SHROOM1: variants seen among roughly 807,000 people sequenced by gnomAD.
The protein encoded by SHROOM1 is shroom family member 1.
Under a neutral mutation model 64.2 loss-of-function variants are expected in SHROOM1, and 53 were observed. The observed-to-expected ratio is 0.83, with a 90% CI of 0.66 to 1.04. The LOEUF (loss-of-function observed/expected upper bound fraction) is 1.04, where lower values mean the gene tolerates loss of function less well. SHROOM1 is among the 50% of genes least tolerant of loss of function. The probability of loss-of-function intolerance (pLI) is 0.00; values close to 1 mark genes in which losing one functional copy is unlikely to be tolerated. For synonymous variants in SHROOM1, 490 were observed against 518.9 expected, an observed-to-expected ratio of 0.94 and a Z score of 0.76; for missense variants, 1,179 against 1,163.2, an observed-to-expected ratio of 1.01 and a Z score of -0.20.
rs1346900027 is a variant in SHROOM1, at chr5:132,823,424, C to T, written c.2052G>A (p.Ala684=). Residue 684 remains alanine, a synonymous_variant, in exon 9 of 10, where the codon GCG becomes GCA. Coordinates refer to ENST00000378679, the MANE Select transcript of SHROOM1 (RefSeq NM_001172700.2). This position sits in a 1 kb window ranked among gnomAD's most constrained non-coding sequence, Gnocchi z 4.6. ...CCTGGCGCACTGCAGCCTCCAGAGC[C>T]GCTTGGCGCCTGGCCCACGCTTGTG... is the stretch of plus-strand genomic sequence containing the variant. ...GEAQAWARRQ[A]ALEAAVRQAC... is the part of the protein sequence containing the mutation. The T allele has an allele frequency of 1.2e-6, 2 of 1,611,578 alleles. No individual in the cohort carries two copies. Among genetic ancestry groups the T allele is most frequent in the Non-Finnish European group, 1.7e-6 (2 of 1,179,804 alleles).
Position 132,822,983 on chromosome 5 carries a change from G to C in SHROOM1, c.2372C>G (p.Ala791Gly). 3 of 1,608,692 alleles carry C rather than the reference G, an allele frequency of 1.9e-6. 1 individual carries two copies. The South Asian group carries it at 3.3e-5, about 18-fold the overall frequency. Residue 791 changes from alanine (A) to glycine (G), a missense_variant, in exon 10 of 10, where the codon GCC (alanine) becomes GGC (glycine). Ala to Gly is a moderately conservative substitution (Grantham distance 60, BLOSUM62 0). Transcript: ENST00000378679. ...GACGGCGGCCTTGCCCGCCAGCAGGGCGCAATAGACGCGCAGCTCCTCCAC... is the reference window on the plus strand; with the variant it reads ...GACGGCGGCCTTGCCCGCCAGCAGGCCGCAATAGACGCGCAGCTCCTCCAC... ...LPVEELRVYCALLAGKAAVLA... is the reference protein window; with the variant it reads ...LPVEELRVYCGLLAGKAAVLA...
rs1581234011 is a variant in SHROOM1, at chr5:132,826,274, T to G, written c.-43+3A>C. 8.0e-7 allele frequency: 1 copy of G among 1,253,864 alleles called. No homozygotes were observed. The highest frequency in any genetic ancestry group is 4.2e-5 in the Admixed American group (1 of 23,784). 77.7% of individuals were successfully genotyped at this position (1,253,864 alleles called of 1,614,324 possible). On this transcript the variant is annotated splice_donor_region_variant and intron_variant, in intron 3 of 9. Coordinates refer to ENST00000378679, the MANE Select transcript of SHROOM1 (RefSeq NM_001172700.2). ...CCGCCACCACGGACGGCCAGACACT[T>G]ACACTTCCCCTCCCTGGTCACACCG...
At position 132,823,042 on chromosome 5, in the gene SHROOM1, C is replaced by T. The variant is rs1261240598; in HGVS notation, c.2313G>A (p.Arg771=). The change falls in exon 10 of 10, where the codon CGG becomes CGA. Residue 771 remains arginine (R), a synonymous_variant. Coordinates refer to ENST00000378679, the MANE Select transcript of SHROOM1 (RefSeq NM_001172700.2). This position sits in a 1 kb window ranked among gnomAD's most constrained non-coding sequence, Gnocchi z 4.6. ...CTCGCACCAGCACCTCCCGCACGGC[C>T]CGCTCGCGCCGCGCTACGTGCTCCT... ...ELKEHVARRE[R]AVREVLVRAL... 3 of 1,598,258 alleles carry T rather than the reference C, an allele frequency of 1.9e-6. No individual in the cohort carries two copies. Among genetic ancestry groups the T allele is most frequent in the Non-Finnish European group, 2.5e-6 (3 of 1,178,672 alleles).
chr5:132,826,262 C>T lies in SHROOM1; in HGVS notation c.-43+15G>A. The T allele has an allele frequency of 1.6e-6, 2 of 1,256,992 alleles. No homozygotes were observed. Among genetic ancestry groups the T allele is most frequent in the Non-Finnish European group, 1.0e-6 (1 of 1,002,146 alleles). 77.9% of individuals were successfully genotyped at this position (1,256,992 alleles called of 1,614,324 possible). A position where few individuals can be genotyped will look rare whatever the true frequency, so the allele number is the denominator to read the frequency against. On this transcript the variant is annotated intron_variant, in intron 3 of 9. Coordinates refer to ENST00000378679, the MANE Select transcript of SHROOM1 (RefSeq NM_001172700.2). ...AGCCTGCTGGCCCCGCCACCACGGA[C>T]GGCCAGACACTTACACTTCCCCTCC...
rs141379828 is a variant in SHROOM1 at position 132,824,341 on chromosome 5, C to T, written c.1320G>A (p.Pro440=). ...TGQVTVPTEY[P]LHECPGTAGA... is the part of the protein sequence containing the mutation. ...CTGCAGTTCCTGGACACTCATGGAGCGGGTACTCTGTGGGGACTGTAACCT... is the reference window on the plus strand; with the variant it reads ...CTGCAGTTCCTGGACACTCATGGAGTGGGTACTCTGTGGGGACTGTAACCT... The change falls in exon 7 of 10, where the codon CCG becomes CCA. Residue 440 remains proline, a synonymous_variant. Coordinates refer to ENST00000378679, the MANE Select transcript of SHROOM1 (RefSeq NM_001172700.2). 11 of 1,608,266 alleles carry T rather than the reference C, an allele frequency of 6.8e-6. No individual in the cohort carries two copies. Among genetic ancestry groups the T allele is most frequent in the East Asian group, 2.2e-5 (1 of 44,884 alleles).
chr5:132,829,145 C>G (rs1758781080), intron 1 of SHROOM1, among the ~76,000 whole-genome samples: 1 of 152,208 alleles, frequency 6.6e-6, no homozygotes, highest in Admixed American at 6.5e-5. Context: ...AACCTAGACT[C>G]CCCGCTAGAA....
Position 132,825,615 on chromosome 5 carries a change from G to T in SHROOM1, c.526C>A (p.Pro176Thr), listed in dbSNP as rs1442492763. Residue 176 changes from proline to threonine, a missense_variant, in exon 4 of 10, where the codon CCA becomes ACA. Pro to Thr is a conservative substitution (Grantham distance 38). Transcript: ENST00000378679. The surrounding 1 kb of genome is among the most constrained non-coding windows in gnomAD (Gnocchi z 5.1). The stretch of plus-strand genomic sequence containing the variant: ...GGGTGAGTCGCCGGGGGCCGCGCTG[G>T]GACAGTGGGCCGCAGACGGGCGGGC... Reference protein sequence around the residue: ...SLPARLRPTVPARPPATHPRS... With the variant: ...SLPARLRPTVTARPPATHPRS... The T allele has an allele frequency of 7.4e-7, 1 of 1,359,984 alleles. No homozygotes were observed. The allele number at this position is 1,359,984 out of a possible 1,614,324, so 84.2% of individuals were successfully genotyped here.
At position 132,823,564 on chromosome 5, in the gene SHROOM1, C is replaced by T; in HGVS notation, c.1954-42G>A. Reference sequence around the variant, plus strand: ...AGGCTGGGGCCAGGCTCATGACTTCCCTGCCCAGGCTCTGGGCTCCTACCC... The same window carrying T: ...AGGCTGGGGCCAGGCTCATGACTTCTCTGCCCAGGCTCTGGGCTCCTACCC... On this transcript the variant is annotated intron_variant, in intron 8 of 9. Coordinates refer to ENST00000378679, the MANE Select transcript of SHROOM1 (RefSeq NM_001172700.2). This position sits in a 1 kb window ranked among gnomAD's most constrained non-coding sequence, Gnocchi z 4.6. The T allele has an allele frequency of 6.4e-7, 1 of 1,569,814 alleles. No individual in the cohort carries two copies. Among genetic ancestry groups the T allele is most frequent in the South Asian group, 1.2e-5 (1 of 85,156 alleles).
rs1283170149 is a variant in SHROOM1, at chr5:132,823,651, G to T, written c.1925C>A (p.Ala642Glu). 3.7e-6 allele frequency: 6 copies of T among 1,606,196 alleles called. No homozygotes were observed. Among genetic ancestry groups the T allele is most frequent in the Non-Finnish European group, 5.1e-6 (6 of 1,176,056 alleles). Residue 642 changes from alanine (A) to glutamate (E), a missense_variant, in exon 8 of 10, where the codon GCA becomes GAA. Coordinates refer to ENST00000378679, the MANE Select transcript of SHROOM1 (RefSeq NM_001172700.2). The surrounding 1 kb of genome is among the most constrained non-coding windows in gnomAD (Gnocchi z 4.6). ...LDQPCGQGLP[A>E]PNNSIQGKKV... ...CTTGCCCTGGATGCTGTTGTTTGGTGCAGGGAGCCCCTGCCCACATGGCTG... is the reference window on the plus strand; with the variant it reads ...CTTGCCCTGGATGCTGTTGTTTGGTTCAGGGAGCCCCTGCCCACATGGCTG...
chr5:132,825,048 G>C lies in SHROOM1; in HGVS notation c.1004C>G (p.Pro335Arg). 6.2e-7 allele frequency: 1 copy of C among 1,614,106 alleles called. No homozygotes were observed. Among genetic ancestry groups the C allele is most frequent in the Non-Finnish European group, 8.5e-7 (1 of 1,180,016 alleles). ...AAGTTTGGTCTGAAACAATGGTCTG[G>C]GGGTTTCTGCTCCTTGGGGAACAGC... ...VQAVPQGAET[P>R]RPLFQTKLSR... The change falls in exon 5 of 10, where the codon CCC becomes CGC. Residue 335 changes from proline (P) to arginine (R), a missense_variant. Pro to Arg is a moderately radical substitution (Grantham distance 103, BLOSUM62 -2). Transcript: ENST00000378679. The surrounding 1 kb of genome is among the most constrained non-coding windows in gnomAD (Gnocchi z 5.1).
chr5:132,822,783 T>G lies in SHROOM1; in HGVS notation c.*13A>C. On this transcript the variant is annotated 3_prime_UTR_variant, in exon 10 of 10. Coordinates refer to ENST00000378679, the MANE Select transcript of SHROOM1 (RefSeq NM_001172700.2). ...GAGATAGGGGCGGTGCACCCCACCC[T>G]CTCCACCTATAACTATGTAAGGAGA... The G allele has an allele frequency of 6.3e-7, 1 of 1,575,500 alleles. No homozygotes were observed.
rs757358022 is a variant in SHROOM1, at chr5:132,823,318, CCAG to C, written c.2155_2157del (p.Leu719del). ...CGGCGCACGCGCGCCAGGCGACTGC[CCAG>C]CAGCAGCAGAAGGCCAAGCACGCGC... is the stretch of plus-strand genomic sequence containing the variant. On this transcript the variant is annotated inframe_deletion, in exon 9 of 10. Coordinates refer to ENST00000378679, the MANE Select transcript of SHROOM1 (RefSeq NM_001172700.2). The surrounding 1 kb of genome is among the most constrained non-coding windows in gnomAD (Gnocchi z 4.6). 6.2e-7 allele frequency: 1 copy of C among 1,604,098 alleles called. No individual in the cohort carries two copies. The highest frequency in any genetic ancestry group is 8.5e-7 in the Non-Finnish European group (1 of 1,179,466).
At position 132,830,442 on chromosome 5, in the gene SHROOM1, C is replaced by A. The variant is rs945330942; in HGVS notation, c.-501+152G>T. On this transcript the variant is annotated intron_variant, in intron 1 of 9. Coordinates refer to ENST00000378679, the MANE Select transcript of SHROOM1 (RefSeq NM_001172700.2). This position sits in a 1 kb window ranked among gnomAD's most constrained non-coding sequence, Gnocchi z 5.9. ...TGGCGCAACCTGACGCGGCGCCGAGCCAGACACGTCCCGGCCGAACGATGC... is the reference window on the plus strand; with the variant it reads ...TGGCGCAACCTGACGCGGCGCCGAGACAGACACGTCCCGGCCGAACGATGC... 18 of 984,880 alleles carry A rather than the reference C, an allele frequency of 1.8e-5. No homozygotes were observed. The African/African-American group carries it at 3.0e-4, about 16-fold the overall frequency. 61.0% of individuals were successfully genotyped at this position (984,880 alleles called of 1,614,324 possible). A position where few individuals can be genotyped will look rare whatever the true frequency, so the allele number is the denominator to read the frequency against.
Position 132,824,278 on chromosome 5 carries a change from T to C in SHROOM1, c.1383A>G (p.Val461=). ...TGTGGCTTGTGGGCCTGGAAATACC[T>C]ACAGAACCATTCACCCCCTGCCAGC... ...DDCWQGVNGS[V]GISRPTSHTP... Residue 461 remains valine, a synonymous_variant, in exon 7 of 10, where the codon GTA becomes GTG. Coordinates refer to ENST00000378679, the MANE Select transcript of SHROOM1 (RefSeq NM_001172700.2). The C allele has an allele frequency of 6.2e-7, 1 of 1,613,870 alleles. No homozygotes were observed. Among genetic ancestry groups the C allele is most frequent in the Non-Finnish European group, 8.5e-7 (1 of 1,179,920 alleles).
chr5:132,822,979 C>T lies in SHROOM1; in HGVS notation c.2376G>A (p.Leu792=). ...CCAGGACGGCGGCCTTGCCCGCCAG[C>T]AGGGCGCAATAGACGCGCAGCTCCT... ...PVEELRVYCA[L]LAGKAAVLAQ... is the part of the protein sequence containing the mutation. The change falls in exon 10 of 10, where the codon CTG becomes CTA. Residue 792 remains leucine, a synonymous_variant. Transcript: ENST00000378679. The T allele has an allele frequency of 6.2e-7, 1 of 1,609,208 alleles. No individual in the cohort carries two copies. The highest frequency in any genetic ancestry group is 2.2e-5 in the East Asian group (1 of 44,862).
At position 132,823,317 on chromosome 5, in the gene SHROOM1, C is replaced by T; in HGVS notation, c.2159G>A (p.Gly720Asp). 6.2e-7 allele frequency: 1 copy of T among 1,603,922 alleles called. No individual in the cohort carries two copies. Residue 720 changes from glycine to aspartate, a missense_variant, in exon 9 of 10, where the codon GGC (glycine) becomes GAC (aspartate). Transcript: ENST00000378679. The surrounding 1 kb of genome is among the most constrained non-coding windows in gnomAD (Gnocchi z 4.6). Reference protein sequence around the residue: ...ERVLGLLLLLGSRLARVRRAL... With the variant: ...ERVLGLLLLLDSRLARVRRAL... ...GCGGCGCACGCGCGCCAGGCGACTG[C>T]CCAGCAGCAGCAGAAGGCCAAGCAC...
In SHROOM1 at chr5:132,825,678, C is replaced by G. The variant is rs752467702; in HGVS notation, c.463G>C (p.Glu155Gln). Residue 155 changes from glutamate to glutamine, a missense_variant, in exon 4 of 10, where the codon GAG becomes CAG. Transcript: ENST00000378679. The surrounding 1 kb of genome is among the most constrained non-coding windows in gnomAD (Gnocchi z 5.1). ...AGCTCCTTGCGCTGGAACGACGTCT[C>G]CCGGAGCACTCGCCGCTGCGCGCCC... ...LQGAQRRVLR[E>Q]TSFQRKELRM... The G allele has an allele frequency of 6.6e-6, 9 of 1,355,490 alleles. No individual in the cohort carries two copies. The highest frequency in any genetic ancestry group is 2.6e-4 in the Middle Eastern group (1 of 3,800). The allele number at this position is 1,355,490 out of a possible 1,614,324, so 84.0% of individuals were successfully genotyped here. A position where few individuals can be genotyped will look rare whatever the true frequency, so the allele number is the denominator to read the frequency against.
Position 132,825,003 on chromosome 5 carries a change from G to C in SHROOM1, c.1034+15C>G, listed in dbSNP as rs1758611785. The C allele has an allele frequency of 6.2e-7, 1 of 1,613,794 alleles. No homozygotes were observed. The highest frequency in any genetic ancestry group is 1.7e-5 in the Admixed American group (1 of 59,978). ...CTTCCCCCCAACTTGGTCCAGAGTG[G>C]TCCGTGTCTCTCACCTGGAAAGTTT... On this transcript the variant is annotated intron_variant, in intron 5 of 9. Transcript: ENST00000378679. The surrounding 1 kb of genome is among the most constrained non-coding windows in gnomAD (Gnocchi z 5.1).
chr5:132,822,774 A>G lies in SHROOM1; in HGVS notation c.*22T>C. ...CGTGGGTGAGAGATAGGGGCGGTGC[A>G]CCCCACCCTCTCCACCTATAACTAT... On this transcript the variant is annotated 3_prime_UTR_variant, in exon 10 of 10. Coordinates refer to ENST00000378679, the MANE Select transcript of SHROOM1 (RefSeq NM_001172700.2). 6.4e-7 allele frequency: 1 copy of G among 1,557,626 alleles called. No individual in the cohort carries two copies. The highest frequency in any genetic ancestry group is 8.7e-7 in the Non-Finnish European group (1 of 1,150,842).
Sources: gnomAD v4.1 joint callset for allele counts (sites outside exome capture counted in the v4.1 genomes callset) on GRCh38, gnomAD v4.1.1 for gene constraint, Gnocchi (gnomAD v3.1) non-coding constraint, MANE v1.5 for transcripts, NCBI Gene and HGNC (gene_info 2026-07-23, HGNC 2026-07-21) for gene names.